HABP4: variants seen among roughly 807,000 people sequenced by gnomAD.
The protein encoded by HABP4 is hyaluronan binding protein 4, also known as intracellular hyaluronan-binding protein 4.
A neutral mutation model predicts 44.1 loss-of-function variants in HABP4; 32 were observed. The ratio of observed to expected loss-of-function variants is 0.73; its 90% CI spans 0.55 to 0.97. The LOEUF is 0.97. Among genes scored for constraint, HABP4 ranks in the 50% least tolerant of loss-of-function variants. HABP4 has a pLI of 0.00. For missense variants in HABP4, 503 were observed against 561.9 expected (o/e 0.90, Z 1.06); for synonymous variants, 216 against 218.0 (o/e 0.99, Z 0.08).
chr9:96,484,305 A>G (rs551885783), intron 5 of HABP4, 157 bp from the exon 6 acceptor site: 1 of 542,788 alleles, frequency 1.8e-6, no homozygotes, highest in Non-Finnish European at 3.3e-6. Context: ...AAAATGAAAT[A>G]TGGAAGCTTG....
Position 96,450,300 on chromosome 9 carries a change from T to C in HABP4, c.21T>C (p.Ser7=). 1.4e-6 allele frequency: 2 copies of C among 1,433,180 alleles called. No homozygotes were observed. The highest frequency in any genetic ancestry group is 1.9e-6 in the Non-Finnish European group (2 of 1,080,246). 88.8% of individuals were successfully genotyped at this position (1,433,180 alleles called of 1,614,324 possible). A position where few individuals can be genotyped will look rare whatever the true frequency, so the allele number is the denominator to read the frequency against. MKGALG[S]PVAAAGAAMQ... ...GCGGCATGAAGGGCGCTCTGGGGAG[T>C]CCCGTGGCTGCCGCTGGCGCCGCGA... Residue 7 remains serine, a synonymous_variant, in exon 1 of 8, where the codon AGT becomes AGC. Transcript: ENST00000375249. This position sits in a 1 kb window ranked among gnomAD's most constrained non-coding sequence, Gnocchi z 4.8.
At chr9:96,450,125 CGGCGGCGCCGCGGG>C (rs955794056), upstream of HABP4, 59 of 727,812 alleles carry the variant, frequency 8.1e-5, no homozygotes, top group African/African-American at 1.1e-3. The surrounding 1 kb of genome is among the most constrained non-coding windows in gnomAD (Gnocchi z 4.8). Flanking sequence ...GGGCGGACGG[CGGCGGCGCCGCGGG>C]GGCGGGCGCC....
chr9:96,459,206 A>G (rs1250039075), intron 2 of HABP4, among the ~76,000 whole-genome samples: 1 of 152,204 alleles, frequency 6.6e-6, no homozygotes, highest in Non-Finnish European at 1.5e-5. Flanking sequence ...TAGGGATATA[A>G]TTATGGTTTT....
intron 2 of HABP4, among the ~76,000 whole-genome samples, chr9:96,461,584 G>A (rs1292855327): frequency 6.6e-6 from 1 of 152,066 alleles, no homozygotes; most frequent in African/African-American, 2.4e-5. Flanking sequence ...TTATGACATT[G>A]CTTCCGTGGG....
chr9:96,481,054 A>C (rs542211327), intron 5 of HABP4, among the ~76,000 whole-genome samples: 1 of 152,294 alleles, frequency 6.6e-6, no homozygotes, highest in African/African-American at 2.4e-5. Context: ...GTGAAGATAC[A>C]GATTTGATTC....
intron 2 of HABP4, 90 bp downstream of exon 2, chr9:96,458,631 T>C: frequency 4.4e-6 from 4 of 907,418 alleles, no homozygotes; most frequent in East Asian, 2.7e-5. Context: ...TCTTTCTTTT[T>C]TTTTTTTTTT....
intron 5 of HABP4, among the ~76,000 whole-genome samples, chr9:96,474,218 A>G (rs545835508): frequency 6.6e-6 from 1 of 152,368 alleles, no homozygotes; most frequent in Non-Finnish European, 1.5e-5. Context: ...CATTAAATAA[A>G]TAGGAGTAAC....
chr9:96,457,414 A>G (rs1832414056), intron 1 of HABP4, among the ~76,000 whole-genome samples: 1 of 152,116 alleles, frequency 6.6e-6, no homozygotes, highest in Non-Finnish European at 1.5e-5. Flanking sequence ...CTGAGTGGAC[A>G]AAAAGAGATG....
Position 96,488,273 on chromosome 9 carries a change from T to C in HABP4, c.1184T>C (p.Val395Ala), listed in dbSNP as rs1833011983. 2 of 1,607,696 alleles carry C rather than the reference T, an allele frequency of 1.2e-6. No homozygotes were observed. Among genetic ancestry groups the C allele is most frequent in the South Asian group, 2.2e-5 (2 of 90,878 alleles). The change falls in exon 7 of 8, where the codon GTG becomes GCG. Residue 395 changes from valine to alanine, a missense_variant and splice_region_variant. Physicochemically the swap from Val to Ala is moderately conservative, Grantham distance 64 (BLOSUM62 0). Coordinates refer to ENST00000375249, the MANE Select transcript of HABP4 (RefSeq NM_014282.4). The surrounding 1 kb of genome is among the most constrained non-coding windows in gnomAD (Gnocchi z 4.6). The part of the protein sequence containing the change: ...AENYGPRAEV[V>A]MQDVAPNPDD... ...AACTATGGACCCAGAGCAGAAGTGGTGGTAGGTGTCTGTATTGACGGTTTG... is the reference window on the plus strand; with the variant it reads ...AACTATGGACCCAGAGCAGAAGTGGCGGTAGGTGTCTGTATTGACGGTTTG...
chr9:96,482,049 C>T (rs1293389482), intron 5 of HABP4, among the ~76,000 whole-genome samples: 2 of 151,896 alleles, frequency 1.3e-5, no homozygotes, highest in African/African-American at 4.8e-5. Context: ...GATTCTCCTG[C>T]CTCAGCCTCC....
At chr9:96,478,450 G>A (rs1264697961) in intron 5 of HABP4, among the ~76,000 whole-genome samples, 3 of 152,114 alleles carry the variant, frequency 2.0e-5, no homozygotes, top group Non-Finnish European at 4.4e-5. Flanking sequence ...TAATATACAA[G>A]TGTTTATATG....
At chr9:96,451,131 G>A (rs1832268650) in intron 1 of HABP4, among the ~76,000 whole-genome samples, 1 of 152,214 alleles carries the variant, frequency 6.6e-6, no homozygotes, top group Non-Finnish European at 1.5e-5. Flanking sequence ...TCGGGGCCCG[G>A]GCGGGGGTCC....
At chr9:96,465,545 A>G (rs1451726229) in intron 3 of HABP4, 47 bp downstream of exon 3, 1 of 1,320,334 alleles carries the variant, frequency 7.6e-7, no homozygotes, top group Non-Finnish European at 1.1e-6. Context: ...TGGTGTCAGC[A>G]CGTGGTATGA....
In HABP4 at chr9:96,450,177, G is replaced by T; in HGVS notation, c.-103G>T. 3.4e-6 allele frequency: 4 copies of T among 1,160,018 alleles called. No individual in the cohort carries two copies. The highest frequency in any genetic ancestry group is 3.6e-4 in the Middle Eastern group (1 of 2,808). 71.9% of individuals were successfully genotyped at this position (1,160,018 alleles called of 1,614,324 possible). A position where few individuals can be genotyped will look rare whatever the true frequency, so the allele number is the denominator to read the frequency against. On this transcript the variant is annotated 5_prime_UTR_variant, in exon 1 of 8. Coordinates refer to ENST00000375249, the MANE Select transcript of HABP4 (RefSeq NM_014282.4). This position sits in a 1 kb window ranked among gnomAD's most constrained non-coding sequence, Gnocchi z 4.8. ...TAGGGGCCGGACAGGGTAGGGCCCG[G>T]AGGGCGGTGGCGGCGGAGCGGGCGG...
intron 1 of HABP4, among the ~76,000 whole-genome samples, chr9:96,456,311 T>C (rs542630397): frequency 1.8e-4 from 28 of 152,278 alleles, no homozygotes; most frequent in Admixed American, 1.4e-3. Context: ...ATAAACATCA[T>C]TTTTGCTTTA....
rs780737047 is a variant in HABP4 at position 96,465,766 on chromosome 9, G to T, written c.731G>T (p.Gly244Val). 1 of 1,567,232 alleles carries T rather than the reference G, an allele frequency of 6.4e-7. No individual in the cohort carries two copies. The highest frequency in any genetic ancestry group is 1.3e-5 in the African/African-American group (1 of 74,126). Residue 244 changes from glycine (G) to valine (V), a missense_variant, in exon 4 of 8, where the codon GGT (glycine) becomes GTT (valine). By Grantham distance (109) the Gly-to-Val change is moderately radical (BLOSUM62 -3). This residue lies in a region of HABP4 where 131 missense variants were observed against 189.8 expected (regional missense o/e 0.69). Coordinates refer to ENST00000375249, the MANE Select transcript of HABP4 (RefSeq NM_014282.4). ...TGTGGAGTTCGAACCTGGGGATCGG[G>T]TAAAGATACCAGGTACGGTGTAAGT... ...GGCGVRTWGS[G>V]KDTSDVEPTA...
chr9:96,490,397 G>A lies in HABP4; in HGVS notation c.*359G>A, dbSNP rs16910904. 30 of 197,168 alleles carry A rather than the reference G, an allele frequency of 1.5e-4. No individual in the cohort carries two copies. In the South Asian group the frequency reaches 4.9e-3, roughly 32 times the overall value. The allele number at this position is 197,168 out of a possible 1,614,324, so 12.2% of individuals were successfully genotyped here. ...CTCTTAGGAAGCAGTAGATTCCCGG[G>A]GGCTGTGCCTTTAGCGTTAGAGGAA... On this transcript the variant is annotated 3_prime_UTR_variant, in exon 8 of 8. Transcript: ENST00000375249.
Position 96,465,472 on chromosome 9 carries a change from T to G in HABP4, c.648T>G (p.Phe216Leu). 1.2e-6 allele frequency: 2 copies of G among 1,612,570 alleles called. No homozygotes were observed. The highest frequency in any genetic ancestry group is 1.7e-6 in the Non-Finnish European group (2 of 1,178,516). The stretch of plus-strand genomic sequence containing the variant: ...TTGACCAGAGAGGAAAGCGAGAATT[T>G]GAAAGATATGGTGGGAATGACAAAA... ...DAFDQRGKREFERYGGNDKIA... is the reference protein window; with the variant it reads ...DAFDQRGKRELERYGGNDKIA... Residue 216 changes from phenylalanine to leucine, a missense_variant, in exon 3 of 8, where the codon TTT (phenylalanine) becomes TTG (leucine). Around this residue, in one of 3 missense-constraint regions of HABP4, gnomAD observed 131 missense variants for 189.8 expected, o/e 0.69. Coordinates refer to ENST00000375249, the MANE Select transcript of HABP4 (RefSeq NM_014282.4).
At chr9:96,466,506 G>C (rs1332289960) in intron 4 of HABP4, among the ~76,000 whole-genome samples, 1 of 152,176 alleles carries the variant, frequency 6.6e-6, no homozygotes, top group Non-Finnish European at 1.5e-5. Flanking sequence ...AAAGTGCTAG[G>C]ATTACAGGCA....
Sources: gnomAD v4.1 joint callset for allele counts (sites outside exome capture counted in the v4.1 genomes callset) on GRCh38, gnomAD v4.1.1 for gene constraint, gnomAD v4.1.1 regional missense constraint, Gnocchi (gnomAD v3.1) non-coding constraint, MANE v1.5 for transcripts, NCBI Gene and HGNC (gene_info 2026-07-23, HGNC 2026-07-21) for gene names.